The following SNX25 variants were observed in gnomAD, a reference collection of about 807,000 sequenced individuals.
SNX25 encodes sorting nexin 25.
In SNX25, 62 loss-of-function variants were observed where a neutral mutation model predicts 113.7. The observed-to-expected ratio is 0.55, with a 90% confidence interval of 0.44 to 0.67. The LOEUF (loss-of-function observed/expected upper bound fraction) is 0.67, where lower values mean the gene tolerates loss of function less well. SNX25 is among the 30% of genes least tolerant of loss of function. The pLI is 0.00. For missense variants in SNX25, 1,014 were observed against 1,161.0 expected (o/e 0.87, Z 1.84); for synonymous variants, 421 against 436.2 (o/e 0.97, Z 0.43).
chr4:185,357,999 T>C (rs1195799672), intron 16 of SNX25, among the ~76,000 whole-genome samples: 2 of 152,242 alleles, frequency 1.3e-5, no homozygotes, highest in African/African-American at 4.8e-5. Context: ...GGTTGTACTC[T>C]GTAGAGCTCC....
intron 13 of SNX25, 73 bp downstream of exon 13, chr4:185,346,723 A>G (rs1023788913): frequency 2.1e-6 from 2 of 969,072 alleles, no homozygotes; most frequent in Non-Finnish European, 3.0e-6. Flanking sequence ...TCATTCTACG[A>G]GCTTGGTAGT....
chr4:185,212,491 G>GTTTCTGTTTTT (rs1553980597), intron 1 of SNX25, among the ~76,000 whole-genome samples: 136 of 104,910 alleles, frequency 1.3e-3, no homozygotes, highest in African/African-American at 4.8e-3. Context: ...GTGTGTGTGT[G>GTTTCTGTTTTT]TTTTTTTTTT....
chr4:185,362,701 A>G lies in SNX25; in HGVS notation c.2924A>G (p.His975Arg), dbSNP rs539298663. The change falls in exon 18 of 19, where the codon CAT (histidine) becomes CGT (arginine). Residue 975 changes from histidine (H) to arginine (R), a missense_variant. By Grantham distance (29) the His-to-Arg change is conservative. Transcript: ENST00000652585. Reference protein sequence around the residue: ...NALQETRANKHLLYALMELLL... With the variant: ...NALQETRANKRLLYALMELLL... Reference sequence around the variant, plus strand: ...CTGCAAGAAACAAGAGCCAACAAGCATCTGTTATATGTGAGTAAATTAAAG... The same window carrying G: ...CTGCAAGAAACAAGAGCCAACAAGCGTCTGTTATATGTGAGTAAATTAAAG... 2.5e-6 allele frequency: 4 copies of G among 1,613,834 alleles called. No homozygotes were observed. The highest frequency in any genetic ancestry group is 2.7e-5 in the African/African-American group (2 of 75,046).
At chr4:185,215,831 C>G (rs1738722026) in intron 1 of SNX25, among the ~76,000 whole-genome samples, 1 of 151,642 alleles carries the variant, frequency 6.6e-6, no homozygotes, top group African/African-American at 2.4e-5. Flanking sequence ...GCTCTTTCGC[C>G]CAGATTGGAG....
chr4:185,368,172 C>T (rs548722368), downstream of SNX25, among the ~76,000 whole-genome samples: 8 of 152,002 alleles, frequency 5.3e-5, no homozygotes, highest in Non-Finnish European at 7.4e-5. Context: ...AGCCAGACTC[C>T]GTCTCAAAAA....
Position 185,288,208 on chromosome 4 carries a change from A to G in SNX25, c.1162+126A>G, listed in dbSNP as rs899318020. On this transcript the variant is annotated intron_variant, in intron 6 of 18. Transcript: ENST00000652585. ...GGCTTACATTTAAATATTTCAATTT[A>G]TTAAAAACAATACTATTACAGTATT... 4 of 640,558 alleles carry G rather than the reference A, an allele frequency of 6.2e-6. No homozygotes were observed. In the African/African-American group the frequency reaches 7.4e-5, roughly 12 times the overall value. The allele number at this position is 640,558 out of a possible 1,614,324, so 39.7% of individuals were successfully genotyped here. A position where few individuals can be genotyped will look rare whatever the true frequency, so the allele number is the denominator to read the frequency against.
chr4:185,245,817 C>A (rs1174230321), intron 1 of SNX25, among the ~76,000 whole-genome samples: 1 of 152,150 alleles, frequency 6.6e-6, no homozygotes, highest in Non-Finnish European at 1.5e-5. Context: ...CTAAAGCATT[C>A]TTTTTAATGG....
At chr4:185,349,758 G>A (rs2095306248) in intron 13 of SNX25, among the ~76,000 whole-genome samples, 1 of 152,046 alleles carries the variant, frequency 6.6e-6, no homozygotes, top group Non-Finnish European at 1.5e-5. Flanking sequence ...CTGTTGAATT[G>A]TTTGAGTTGT....
rs536069217 is a variant in SNX25, at chr4:185,243,264, A to G, written c.430-4030A>G. ...TTCAGTGATACTAAATGCATTTATAATGTTGTGCAACCATTGCCACCATCT... is the reference window on the plus strand; with the variant it reads ...TTCAGTGATACTAAATGCATTTATAGTGTTGTGCAACCATTGCCACCATCT... On this transcript the variant is annotated intron_variant, in intron 1 of 18. Transcript: ENST00000652585. Among the ~76,000 whole-genome samples, 4 of 152,310 alleles carry G rather than the reference A, an allele frequency of 2.6e-5. No individual in the cohort carries two copies. In the South Asian group the frequency reaches 8.3e-4, roughly 32 times the overall value.
the SNX25 span, chr4:185,377,065 T>C: frequency 4.8e-6 from 6 of 1,248,944 alleles, no homozygotes; most frequent in Non-Finnish European, 7.1e-6. Flanking sequence ...CAATATGAAT[T>C]TTCTCTCTTG....
intron 15 of SNX25, among the ~76,000 whole-genome samples, chr4:185,354,869 C>A (rs1025445773): frequency 3.3e-5 from 5 of 152,236 alleles, no homozygotes; most frequent in Non-Finnish European, 5.9e-5. Flanking sequence ...ACCTGACCAC[C>A]TCGAAGAGGA....
At chr4:185,313,371 A>G (rs933056064) in intron 7 of SNX25, among the ~76,000 whole-genome samples, 1 of 152,220 alleles carries the variant, frequency 6.6e-6, no homozygotes, top group African/African-American at 2.4e-5. Flanking sequence ...AGATAGAATA[A>G]TCAAATGTTC....
At chr4:185,283,767 A>T (rs1432035601) in intron 5 of SNX25, among the ~76,000 whole-genome samples, 1 of 152,194 alleles carries the variant, frequency 6.6e-6, no homozygotes, top group Non-Finnish European at 1.5e-5. Context: ...ATGTGGACAT[A>T]ATTCTGGCAC....
chr4:185,314,113 T>C (rs2095051433), intron 7 of SNX25, among the ~76,000 whole-genome samples: 1 of 152,088 alleles, frequency 6.6e-6, no homozygotes, highest in African/African-American at 2.4e-5. Context: ...CTCAAACTCA[T>C]GTTGCTCAAG....
At chr4:185,280,538 A>G (rs1560964260) in intron 5 of SNX25, among the ~76,000 whole-genome samples, 2 of 152,336 alleles carry the variant, frequency 1.3e-5, no homozygotes, top group East Asian at 3.9e-4. Flanking sequence ...TCTTCAATGA[A>G]CATATGCTAC....
At chr4:185,222,522 T>G (rs1288950713) in intron 1 of SNX25, among the ~76,000 whole-genome samples, 3 of 151,982 alleles carry the variant, frequency 2.0e-5, no homozygotes, top group Non-Finnish European at 4.4e-5. Flanking sequence ...TCCCTCGCGG[T>G]AGGTATACAG....
At chr4:185,320,909 A>T in intron 8 of SNX25, 45 bp downstream of exon 8, 1 of 1,498,842 alleles carries the variant, frequency 6.7e-7, no homozygotes, top group East Asian at 2.4e-5. Context: ...TAGCTGATGT[A>T]AACTTGGCAT....
rs1737474969 is a variant in SNX25 at position 185,209,967 on chromosome 4, G to C, written c.141G>C (p.Ala47=). The C allele has an allele frequency of 1.0e-6, 1 of 983,452 alleles. No individual in the cohort carries two copies. The highest frequency in any genetic ancestry group is 6.2e-5 in the Admixed American group (1 of 16,080). 60.9% of individuals were successfully genotyped at this position (983,452 alleles called of 1,614,324 possible). A position where few individuals can be genotyped will look rare whatever the true frequency, so the allele number is the denominator to read the frequency against. The change falls in exon 1 of 19, where the codon GCG becomes GCC. Residue 47 remains alanine (A), a synonymous_variant. Coordinates refer to ENST00000652585, the MANE Select transcript of SNX25 (RefSeq NM_001378034.2). The surrounding 1 kb of genome is among the most constrained non-coding windows in gnomAD (Gnocchi z 5.2). ...GGGACGCGGAGGCAGCAGCAGCGGC[G>C]GCGCCGGGGGCCCCGGGCGGCCGGA... ...SPGDAEAAAA[A]APGAPGGRSW... is the part of the protein sequence containing the mutation.
At chr4:185,351,733 C>T (rs1482978186) in intron 14 of SNX25, 124 bp downstream of exon 14, 3 of 997,018 alleles carry the variant, frequency 3.0e-6, no homozygotes, top group Non-Finnish European at 4.3e-6. Flanking sequence ...TTTTGAGGCA[C>T]CTGCTTGTAT....
Sources: gnomAD v4.1 joint callset for allele counts (sites outside exome capture counted in the v4.1 genomes callset) on GRCh38, gnomAD v4.1.1 for gene constraint, Gnocchi (gnomAD v3.1) non-coding constraint, MANE v1.5 for transcripts, NCBI Gene and HGNC (gene_info 2026-07-23, HGNC 2026-07-21) for gene names.